The following WDR44 variants were observed in gnomAD, a reference collection of about 807,000 sequenced individuals.
The protein encoded by WDR44 is WD repeat-containing protein 44.
In WDR44, 9 loss-of-function variants were observed where a neutral mutation model predicts 65.7. That is an observed-to-expected ratio of 0.14 (90% CI 0.08 to 0.24). WDR44 has a LOEUF of 0.24. Among genes scored for constraint, WDR44 ranks in the 10% least tolerant of loss-of-function variants. WDR44 has a pLI of 1.00. For missense variants in WDR44, 425 were observed against 670.9 expected, an observed-to-expected ratio of 0.63 and a Z score of 4.05; for synonymous variants, 220 against 235.2, an observed-to-expected ratio of 0.94 and a Z score of 0.59.
intron 2 of WDR44, among the ~76,000 whole-genome samples, chrX:118,386,238 T>C (rs1472008200): frequency 4.5e-5 from 5 of 110,846 alleles, no homozygotes; most frequent in African/African-American, 1.6e-4. Context: ...AGAATTATGG[T>C]TTTTTTTCCT....
intron 9 of WDR44, among the ~76,000 whole-genome samples, chrX:118,405,371 G>A (rs926486909): frequency 1.8e-5 from 2 of 109,236 alleles, no homozygotes; most frequent in Admixed American, 2.0e-4. Flanking sequence ...ATGGAGTCTC[G>A]CTCTGTCACC....
At chrX:118,402,358 C>T (rs1205260608) in intron 8 of WDR44, among the ~76,000 whole-genome samples, 1 of 102,821 alleles carries the variant, frequency 9.7e-6, no homozygotes, top group African/African-American at 3.7e-5. Flanking sequence ...TTGCTTGAAC[C>T]CAGGAGGCAG....
chrX:118,422,241 A>AT (rs1183242368), intron 12 of WDR44, among the ~76,000 whole-genome samples: 1 of 109,952 alleles, frequency 9.1e-6, no homozygotes, highest in Non-Finnish European at 1.9e-5. Context: ...TTAAAAAAAA[A>AT]AAATATATAG....
intron 1 of WDR44, among the ~76,000 whole-genome samples, chrX:118,366,577 C>A (rs1024370860): frequency 9.0e-6 from 1 of 111,150 alleles, no homozygotes; most frequent in African/African-American, 3.3e-5. Context: ...GACATATCAA[C>A]TGATTGTAAT....
chrX:118,446,167 CTG>C (rs749233595), intron 19 of WDR44, among the ~76,000 whole-genome samples: 3 of 111,708 alleles, frequency 2.7e-5, no homozygotes, highest in South Asian at 7.5e-4. Context: ...TTGCACACCT[CTG>C]TAATCCCAGG....
In WDR44 at chrX:118,397,062, T is replaced by C. The variant is rs202071012; in HGVS notation, c.1146T>C (p.Asn382=). The change falls in exon 7 of 20, where the codon AAT becomes AAC. Residue 382 remains asparagine, a synonymous_variant. Transcript: ENST00000254029. ...LAEEKLPTGI[N]PLTLHIMRRT... ...AAGAGAAACTACCAACAGGCATTAA[T>C]CCTCTCACTCTACACATCATGAGAA... is the stretch of plus-strand genomic sequence containing the variant. 48 of 1,194,061 alleles carry C rather than the reference T, an allele frequency of 4.0e-5. No homozygotes were observed. Among genetic ancestry groups the C allele is most frequent in the Non-Finnish European group, 5.1e-5 (45 of 888,745 alleles).
At chrX:118,385,393 C>T (rs4507946) in intron 2 of WDR44, among the ~76,000 whole-genome samples, 47,518 of 110,631 alleles carry the variant, frequency 0.43, 10,497 homozygotes, top group African/African-American at 0.85. Context: ...CTTAGCAAAT[C>T]AATGCAGGAA....
chrX:118,378,599 T>C (rs2056683049), intron 2 of WDR44, 147 bp downstream of exon 2: 3 of 445,537 alleles, frequency 6.7e-6, no homozygotes, highest in Non-Finnish European at 1.1e-5. Flanking sequence ...TTGGTATACA[T>C]AGGTACTCTA....
At chrX:118,417,810 G>C (rs2057069833) in intron 12 of WDR44, among the ~76,000 whole-genome samples, 1 of 111,832 alleles carries the variant, frequency 8.9e-6, no homozygotes, top group Admixed American at 9.6e-5. Context: ...TCTTCCTCAG[G>C]AACATCAGTT....
chrX:118,443,844 A>G (rs1182165432), intron 18 of WDR44, among the ~76,000 whole-genome samples, 157 bp downstream of exon 18: 1 of 111,293 alleles, frequency 9.0e-6, no homozygotes, highest in Non-Finnish European at 1.9e-5. Context: ...GGAGATCGAG[A>G]CCATCCTGGC....
chrX:118,396,978 A>G lies in WDR44; in HGVS notation c.1062A>G (p.Leu354=), dbSNP rs139052780. 3.5e-4 allele frequency: 407 copies of G among 1,168,711 alleles called. 5 individuals are homozygous for G. The highest frequency in any genetic ancestry group is 3.4e-4 in the Non-Finnish European group (301 of 881,685). ...TTTTTTTTTAACCTCAGGAAATTTTAGCCAGTGTAATGATTAAGAACCTGG... is the reference window on the plus strand; with the variant it reads ...TTTTTTTTTAACCTCAGGAAATTTTGGCCAGTGTAATGATTAAGAACCTGG... ...SGRELTDEEI[L]ASVMIKNLDT... is the part of the protein sequence containing the mutation. The change falls in exon 7 of 20, where the codon TTA becomes TTG. Residue 354 remains leucine (L), a synonymous_variant. Transcript: ENST00000254029.
intron 3 of WDR44, among the ~76,000 whole-genome samples, 184 bp downstream of exon 3, chrX:118,387,598 A>G (rs1215493453): frequency 8.9e-6 from 1 of 112,274 alleles, no homozygotes; most frequent in East Asian, 2.8e-4. Flanking sequence ...TCCTTTTCAT[A>G]TTCTAATTGG....
chrX:118,387,977 G>A (rs773655987), intron 3 of WDR44, among the ~76,000 whole-genome samples: 2 of 111,642 alleles, frequency 1.8e-5, no homozygotes, highest in Non-Finnish European at 3.8e-5. Flanking sequence ...CTGTGCCCTA[G>A]GCAATGTTCT....
At chrX:118,418,874 A>G (rs2057079202) in intron 12 of WDR44, among the ~76,000 whole-genome samples, 1 of 109,810 alleles carries the variant, frequency 9.1e-6, no homozygotes, top group South Asian at 3.9e-4. Flanking sequence ...GCTGTGGGGG[A>G]TGGATGTGAT....
chrX:118,386,383 A>G (rs1326703774), intron 2 of WDR44: 1 of 362,331 alleles, frequency 2.8e-6, no homozygotes. Flanking sequence ...GAAATGCAGT[A>G]TCCATTTCTA....
intron 12 of WDR44, among the ~76,000 whole-genome samples, chrX:118,425,741 A>G (rs980392960): frequency 8.9e-6 from 1 of 112,294 alleles, no homozygotes; most frequent in African/African-American, 3.2e-5. Context: ...ATGAATGTCA[A>G]AAGCCTTATA....
intron 8 of WDR44, among the ~76,000 whole-genome samples, chrX:118,403,289 GT>G (rs1198755489): frequency 1.8e-5 from 2 of 111,771 alleles, no homozygotes; most frequent in African/African-American, 6.5e-5. Context: ...TCTGTCTAAA[GT>G]TAAAAAGGCC....
intron 1 of WDR44, among the ~76,000 whole-genome samples, chrX:118,351,218 T>G (rs2056400192): frequency 8.9e-6 from 1 of 112,446 alleles, no homozygotes; most frequent in Admixed American, 9.5e-5. Context: ...TATTTTATTC[T>G]TAGGCATTTA....
chrX:118,385,323 A>G (rs1298625672), intron 2 of WDR44, among the ~76,000 whole-genome samples: 2 of 112,557 alleles, frequency 1.8e-5, no homozygotes, highest in African/African-American at 3.2e-5. Flanking sequence ...CTATGCAGCC[A>G]TAAAAAAGAA....
Sources: allele counts gnomAD v4.1 joint callset (sites outside exome capture counted in the v4.1 genomes callset), GRCh38; gene constraint gnomAD v4.1.1; transcripts MANE v1.5; gene names NCBI Gene and HGNC (gene_info 2026-07-23, HGNC 2026-07-21).